The following SMOC2 variants were observed in gnomAD, a reference collection of about 807,000 sequenced individuals.
SMOC2 encodes SPARC-related modular calcium-binding protein 2.
In SMOC2, 39 loss-of-function variants were observed where a neutral mutation model predicts 61.4. That is an observed-to-expected ratio of 0.64 (90% CI 0.49 to 0.83). The LOEUF (loss-of-function observed/expected upper bound fraction) is 0.83, where lower values mean the gene tolerates loss of function less well. SMOC2 is among the 40% of genes least tolerant of loss of function. The pLI, the probability that SMOC2 is intolerant of heterozygous loss-of-function variation, is 0.00. For synonymous variants in SMOC2, 247 were observed against 239.9 expected (o/e 1.03, Z -0.27); for missense variants, 556 against 592.9 (o/e 0.94, Z 0.65).
rs1293127911 is a variant in SMOC2 at position 168,482,096 on chromosome 6, C to T, written c.85-27819C>T. Among the ~76,000 whole-genome samples the T allele has an allele frequency of 4.0e-5, 6 of 151,276 alleles. No homozygotes were observed. The East Asian group carries it at 1.2e-3, about 29-fold the overall frequency. On this transcript the variant is annotated intron_variant, in intron 1 of 12. Transcript: ENST00000356284. The stretch of plus-strand genomic sequence containing the variant: ...AAATAATAGAGGAAAATTAGTGAAA[C>T]AAAAAATTGGTTCTTTGAAAAGATC...
chr6:168,448,135 T>C (rs528008256), intron 1 of SMOC2, among the ~76,000 whole-genome samples: 1 of 152,212 alleles, frequency 6.6e-6, no homozygotes, highest in Non-Finnish European at 1.5e-5. Flanking sequence ...CTAGGATTAG[T>C]GGTGAGTTGA....
At chr6:168,609,782 A>G (rs1467707128) in intron 9 of SMOC2, among the ~76,000 whole-genome samples, 1 of 152,024 alleles carries the variant, frequency 6.6e-6, no homozygotes, top group Non-Finnish European at 1.5e-5. Context: ...TTTTGCCCCT[A>G]GTGTACTTCT....
rs147104998 is a variant in SMOC2 at position 168,496,233 on chromosome 6, T to C, written c.85-13682T>C. Among the ~76,000 whole-genome samples the C allele has an allele frequency of 2.8e-3, 428 of 152,268 alleles. 3 individuals carry two copies. Among genetic ancestry groups the C allele is most frequent in the African/African-American group, 9.9e-3 (413 of 41,546 alleles). ...GCAACTGTTTGTTTCTTGGGCATTTTGTGGAAAACACTGGGGTTTGGGAAG... is the reference window on the plus strand; with the variant it reads ...GCAACTGTTTGTTTCTTGGGCATTTCGTGGAAAACACTGGGGTTTGGGAAG... On this transcript the variant is annotated intron_variant, in intron 1 of 12. Transcript: ENST00000356284.
chr6:168,547,187 T>C lies in SMOC2; in HGVS notation c.562+18T>C, dbSNP rs2115103876. 2 of 1,612,960 alleles carry C rather than the reference T, an allele frequency of 1.2e-6. No homozygotes were observed. The highest frequency in any genetic ancestry group is 4.5e-5 in the East Asian group (2 of 44,854). On this transcript the variant is annotated intron_variant, in intron 6 of 12. Coordinates refer to ENST00000356284, the MANE Select transcript of SMOC2 (RefSeq NM_001166412.2). ...TGAAGAAGGTGAGCCGGGGTGGGGA[T>C]TGCACAGTCTGGGTTGGGGAGGAGT...
Position 168,535,063 on chromosome 6 carries a change from G to C in SMOC2, c.463+7336G>C, listed in dbSNP as rs549443726. On this transcript the variant is annotated intron_variant, in intron 4 of 12. Coordinates refer to ENST00000356284, the MANE Select transcript of SMOC2 (RefSeq NM_001166412.2). The surrounding 1 kb of genome is among the most constrained non-coding windows in gnomAD (Gnocchi z 4.6). ...TCGGCTCACTGCAACCTCCGCCTCC[G>C]GGGTTCAAGCGATTCTCCTGCCTCT... Among the ~76,000 whole-genome samples, 2 of 151,956 alleles carry C rather than the reference G, an allele frequency of 1.3e-5. No individual in the cohort carries two copies. The highest frequency in any genetic ancestry group is 2.9e-5 in the Non-Finnish European group (2 of 67,994).
At chr6:168,601,445 G>T (rs1785553414) in intron 8 of SMOC2, among the ~76,000 whole-genome samples, 1 of 152,262 alleles carries the variant, frequency 6.6e-6, no homozygotes, top group Non-Finnish European at 1.5e-5. Context: ...AAACCCGTGT[G>T]CTCCGCAGGG....
chr6:168,513,174 G>A (rs1783049120), intron 2 of SMOC2, among the ~76,000 whole-genome samples: 1 of 152,182 alleles, frequency 6.6e-6, no homozygotes, highest in East Asian at 1.9e-4. Context: ...TTTCTTTGTG[G>A]TGGTAGGGAA....
intron 9 of SMOC2, among the ~76,000 whole-genome samples, chr6:168,646,290 G>A (rs1787027516): frequency 6.6e-6 from 1 of 152,190 alleles, no homozygotes; most frequent in Admixed American, 6.5e-5. Flanking sequence ...GATTGTGCCA[G>A]TGTGTGGCTG....
intron 11 of SMOC2, among the ~76,000 whole-genome samples, chr6:168,663,034 A>T (rs1300591482): frequency 6.6e-6 from 1 of 152,188 alleles, no homozygotes. Flanking sequence ...GATAATCTGG[A>T]CTGAGGAGAG....
At chr6:168,549,315 G>A in intron 7 of SMOC2, 112 bp downstream of exon 7, 1 of 912,508 alleles carries the variant, frequency 1.1e-6, no homozygotes, top group Non-Finnish European at 1.7e-6. Flanking sequence ...GAACAACATG[G>A]GGGTGAGGGG....
intron 1 of SMOC2, among the ~76,000 whole-genome samples, chr6:168,505,180 T>C (rs1782840166): frequency 6.8e-6 from 1 of 146,480 alleles, no homozygotes; most frequent in African/African-American, 2.5e-5. Flanking sequence ...GTGAATGAAA[T>C]GTCTGTCTCT....
At chr6:168,447,600 G>A (rs57941640) in intron 1 of SMOC2, among the ~76,000 whole-genome samples, 6 of 152,124 alleles carry the variant, frequency 3.9e-5, no homozygotes, top group Non-Finnish European at 5.9e-5. Context: ...TTTTTGGGGG[G>A]AAAGGGGTAG....
At chr6:168,665,036 T>G (rs1787626011) in intron 12 of SMOC2, 1 of 294,166 alleles carries the variant, frequency 3.4e-6, no homozygotes, top group South Asian at 2.9e-5. Flanking sequence ...TATGCTTTCC[T>G]TTGTTTAGCA....
chr6:168,660,257 G>A (rs748675646), intron 11 of SMOC2, among the ~76,000 whole-genome samples: 3 of 152,094 alleles, frequency 2.0e-5, no homozygotes, highest in Non-Finnish European at 4.4e-5. Context: ...AAATCCCCTA[G>A]ACAATCTCTT....
intron 9 of SMOC2, among the ~76,000 whole-genome samples, chr6:168,649,515 G>A (rs775714452): frequency 2.0e-5 from 3 of 152,150 alleles, no homozygotes; most frequent in South Asian, 2.1e-4. Context: ...TTTCCCCTCG[G>A]TATCTTTCTC....
At chr6:168,469,214 A>G (rs1781914498) in intron 1 of SMOC2, among the ~76,000 whole-genome samples, 1 of 152,218 alleles carries the variant, frequency 6.6e-6, no homozygotes, top group African/African-American at 2.4e-5. Flanking sequence ...AAAAAGAGAT[A>G]AGAGCCAGTC....
intron 2 of SMOC2, among the ~76,000 whole-genome samples, chr6:168,518,268 CTGTGCGGGGG>C (rs1228156636): frequency 3.9e-5 from 6 of 151,908 alleles, no homozygotes; most frequent in South Asian, 4.2e-4. Flanking sequence ...TGAAGGAAAT[CTGTGCGGGGG>C]TGTGAGTGTG....
At chr6:168,599,581 A>ACACACACCCACACACACACATACCCC (rs138811685) in intron 8 of SMOC2, among the ~76,000 whole-genome samples, 5 of 31,654 alleles carry the variant, frequency 1.6e-4, no homozygotes, top group East Asian at 2.8e-3. Flanking sequence ...CACTCATACC[A>ACACACACCCACACACACACATACCCC]CACACACCCA....
intron 9 of SMOC2, among the ~76,000 whole-genome samples, chr6:168,638,280 C>G (rs1363972353): frequency 6.6e-6 from 1 of 152,158 alleles, no homozygotes; most frequent in African/African-American, 2.4e-5. Flanking sequence ...AAGACAGACT[C>G]TTTTGACTTT....
Sources: gnomAD v4.1 joint callset for allele counts (sites outside exome capture counted in the v4.1 genomes callset) on GRCh38, gnomAD v4.1.1 for gene constraint, Gnocchi (gnomAD v3.1) non-coding constraint, MANE v1.5 for transcripts, NCBI Gene and HGNC (gene_info 2026-07-23, HGNC 2026-07-21) for gene names.